Variants in FNDC3B observed in about 807,000 individuals in gnomAD.
FNDC3B encodes the protein fibronectin type III domain containing 3B.
In FNDC3B, 12 loss-of-function variants were observed where a neutral mutation model predicts 151.5. The observed-to-expected ratio is 0.08, with a 90% CI of 0.05 to 0.13. FNDC3B has a LOEUF of 0.13. Ranked by LOEUF, FNDC3B falls within the 10% of genes least tolerant of loss-of-function variation. The probability of loss-of-function intolerance (pLI) is 1.00; values close to 1 mark genes in which losing one functional copy is unlikely to be tolerated. For missense variants in FNDC3B, 1,214 were observed against 1,505.3 expected (o/e 0.81, Z 3.20); for synonymous variants, 528 against 549.0 (o/e 0.96, Z 0.54).
chr3:172,057,923 G>A (rs1437283825), intron 1 of FNDC3B, among the ~76,000 whole-genome samples: 3 of 150,350 alleles, frequency 2.0e-5, no homozygotes, highest in Non-Finnish European at 3.0e-5. Context: ...AAAAAAAAAA[G>A]CATACAGTGC....
intron 3 of FNDC3B, among the ~76,000 whole-genome samples, chr3:172,192,925 C>T (rs932538153): frequency 2.1e-4 from 32 of 151,954 alleles, no homozygotes; most frequent in African/African-American, 7.3e-4. Context: ...AACTCAAACT[C>T]GGTTATCTGA....
chr3:172,273,188 A>G (rs909377666), intron 6 of FNDC3B, among the ~76,000 whole-genome samples: 1 of 152,218 alleles, frequency 6.6e-6, no homozygotes, highest in Admixed American at 6.5e-5. Flanking sequence ...AATAAGTAGG[A>G]AATGGTTTTA....
At chr3:172,239,853 G>GTTTTTTTTTTTT (rs1195281476) in intron 4 of FNDC3B, among the ~76,000 whole-genome samples, 12 of 65,874 alleles carry the variant, frequency 1.8e-4, no homozygotes, top group African/African-American at 6.8e-4. Flanking sequence ...ATCCATTTTA[G>GTTTTTTTTTTTT]TTCTTTTTTT....
chr3:172,134,607 G>T (rs1721270817), intron 3 of FNDC3B, among the ~76,000 whole-genome samples: 1 of 152,006 alleles, frequency 6.6e-6, no homozygotes, highest in African/African-American at 2.4e-5. Flanking sequence ...CGTAATAGTA[G>T]AGCATGTTGC....
intron 6 of FNDC3B, among the ~76,000 whole-genome samples, chr3:172,268,718 T>C (rs1729041461): frequency 6.6e-6 from 1 of 152,206 alleles, no homozygotes; most frequent in Non-Finnish European, 1.5e-5. Flanking sequence ...TTATGTTACC[T>C]CTCTGGAATA....
chr3:172,192,377 G>A (rs557433803), intron 3 of FNDC3B, among the ~76,000 whole-genome samples: 1 of 151,866 alleles, frequency 6.6e-6, no homozygotes, highest in African/African-American at 2.4e-5. Context: ...AGTAGAGACA[G>A]GGTTTCACCG....
At chr3:172,184,337 A>C in intron 3 of FNDC3B, 1 of 151,624 alleles carries the variant, frequency 6.6e-6, no homozygotes, top group Admixed American at 6.6e-5. Context: ...AGAGTTAAAC[A>C]AATAAACATA....
intron 3 of FNDC3B, among the ~76,000 whole-genome samples, chr3:172,147,463 A>T (rs919049341): frequency 1.3e-5 from 2 of 152,160 alleles, no homozygotes; most frequent in African/African-American, 4.8e-5. Context: ...TTCCTAATCT[A>T]GCTCGAATGG....
At chr3:172,266,523 A>G (rs1728931765) in intron 6 of FNDC3B, among the ~76,000 whole-genome samples, 2 of 152,204 alleles carry the variant, frequency 1.3e-5, no homozygotes, top group Non-Finnish European at 1.5e-5. Context: ...AGTTCTGGAG[A>G]GAATGTAGAG....
At position 172,284,726 on chromosome 3, in the gene FNDC3B, C is replaced by T. The variant is rs573119608; in HGVS notation, c.791-1200C>T. On this transcript the variant is annotated intron_variant, in intron 6 of 25. Transcript: ENST00000415807. Reference sequence around the variant, plus strand: ...AATGCTGGTTCCTGGAAGACTATCTCGAATGCCCTCTTTTGGGTTACCTTT... The same window carrying T: ...AATGCTGGTTCCTGGAAGACTATCTTGAATGCCCTCTTTTGGGTTACCTTT... Among the ~76,000 whole-genome samples, 26 of 148,140 alleles carry T rather than the reference C, an allele frequency of 1.8e-4. No individual in the cohort carries two copies. The South Asian group carries it at 5.2e-3, about 30-fold the overall frequency.
At position 172,222,476 on chromosome 3, in the gene FNDC3B, G is replaced by A. The variant is rs569789209; in HGVS notation, c.188-4395G>A. Among the ~76,000 whole-genome samples, 9 of 152,320 alleles carry A rather than the reference G, an allele frequency of 5.9e-5. No homozygotes were observed. In the South Asian group the frequency reaches 1.9e-3, roughly 32 times the overall value. Reference sequence around the variant, plus strand: ...GTTGTGAAGATAGCATCTGAGATGTGTGAGCTCTAGGTCAGCAGTTCCCAA... The same window carrying A: ...GTTGTGAAGATAGCATCTGAGATGTATGAGCTCTAGGTCAGCAGTTCCCAA... On this transcript the variant is annotated intron_variant, in intron 3 of 25. Coordinates refer to ENST00000415807, the MANE Select transcript of FNDC3B (RefSeq NM_022763.4).
chr3:172,367,058 T>C (rs901137653), intron 23 of FNDC3B, among the ~76,000 whole-genome samples: 2 of 152,174 alleles, frequency 1.3e-5, no homozygotes, highest in Admixed American at 6.5e-5. Flanking sequence ...CTAGAATTCA[T>C]CTAGATCACC....
intron 21 of FNDC3B, 124 bp downstream of exon 21, chr3:172,347,485 C>T (rs1733669375): frequency 4.9e-6 from 3 of 611,488 alleles, no homozygotes; most frequent in Admixed American, 7.6e-5. Context: ...AAAAAGAGTC[C>T]ATTTAAATAA....
chr3:172,044,657 G>A (rs891872868), intron 1 of FNDC3B, among the ~76,000 whole-genome samples: 1 of 152,098 alleles, frequency 6.6e-6, no homozygotes, highest in Admixed American at 6.6e-5. Flanking sequence ...TGGGACCACT[G>A]TACTATTTTC....
intron 7 of FNDC3B, among the ~76,000 whole-genome samples, chr3:172,293,270 G>T (rs1730433431): frequency 1.3e-5 from 2 of 152,138 alleles, no homozygotes. Context: ...TGTGAGAGAG[G>T]GCATAAGAGA....
At chr3:172,290,382 G>A (rs917729747) in intron 7 of FNDC3B, among the ~76,000 whole-genome samples, 1 of 152,152 alleles carries the variant, frequency 6.6e-6, no homozygotes, top group Non-Finnish European at 1.5e-5. Flanking sequence ...GAACAGTTAG[G>A]TGCTATGGGG....
intron 1 of FNDC3B, among the ~76,000 whole-genome samples, chr3:172,054,325 C>A (rs1716809703): frequency 6.6e-6 from 1 of 152,204 alleles, no homozygotes; most frequent in South Asian, 2.1e-4. Flanking sequence ...GAACCTTGTG[C>A]TTTCCCAGAC....
intron 10 of FNDC3B, among the ~76,000 whole-genome samples, chr3:172,307,827 G>A (rs1269431856): frequency 2.6e-5 from 4 of 152,154 alleles, no homozygotes. Context: ...TGTAAGAGTT[G>A]GGCAAAGGGG....
intron 6 of FNDC3B, among the ~76,000 whole-genome samples, chr3:172,279,220 T>TGGGGGGC (rs1231287986): frequency 3.2e-4 from 2 of 6,304 alleles, no homozygotes; most frequent in Non-Finnish European, 6.7e-4. Flanking sequence ...GCCTGGGGAG[T>TGGGGGGC]GGGGGGCGGG....
Sources: allele counts gnomAD v4.1 joint callset (sites outside exome capture counted in the v4.1 genomes callset), GRCh38; gene constraint gnomAD v4.1.1; transcripts MANE v1.5; gene names NCBI Gene and HGNC (gene_info 2026-07-23, HGNC 2026-07-21).